Variants in COL14A1 observed in about 807,000 individuals in gnomAD.
COL14A1 encodes the protein collagen type XIV alpha 1 chain.
Under a neutral mutation model 230.3 loss-of-function variants are expected in COL14A1, and 136 were observed. The ratio of observed to expected loss-of-function variants is 0.59; its 90% confidence interval spans 0.51 to 0.68. The LOEUF (loss-of-function observed/expected upper bound fraction) is 0.68. Among genes scored for constraint, COL14A1 ranks in the 30% least tolerant of loss-of-function variants. The pLI, the probability that COL14A1 is intolerant of heterozygous loss-of-function variation, is 0.00. For missense variants in COL14A1, 1,976 were observed against 2,215.8 expected (o/e 0.89, Z 2.17); for synonymous variants, 792 against 784.1 (o/e 1.01, Z -0.17).
At chr8:120,170,006 T>G (rs1816045547) in intron 5 of COL14A1, among the ~76,000 whole-genome samples, 1 of 152,068 alleles carries the variant, frequency 6.6e-6, no homozygotes. Flanking sequence ...ATCATTTTAC[T>G]TCATATATAT....
At position 120,137,745 on chromosome 8, in the gene COL14A1, T is replaced by TA. The variant is rs1367174231; in HGVS notation, c.-37-10060dup. Among the ~76,000 whole-genome samples the TA allele has an allele frequency of 4.0e-5, 6 of 149,930 alleles. No homozygotes were observed. In the East Asian group the frequency reaches 1.2e-3, roughly 29 times the overall value. On this transcript the variant is annotated intron_variant, in intron 1 of 47. Transcript: ENST00000297848. The stretch of plus-strand genomic sequence containing the variant: ...AGAAGCATATTGTTTAATTTTCAAA[T>TA]ATTTTGAATTTATAAAGATATTTTA...
intron 1 of COL14A1, among the ~76,000 whole-genome samples, chr8:120,136,761 C>G (rs764789058): frequency 2.0e-5 from 3 of 151,242 alleles, no homozygotes; most frequent in Admixed American, 6.6e-5. Flanking sequence ...GCCAGGTGTT[C>G]GAGACCAGCC....
At chr8:120,244,119 A>G in intron 20 of COL14A1, 111 bp downstream of exon 20, 2 of 1,283,832 alleles carry the variant, frequency 1.6e-6, no homozygotes, top group Non-Finnish European at 2.1e-6. Context: ...AAACTAAAAG[A>G]TTTGGGAACA....
At chr8:120,164,263 TCA>T (rs1363449769) in intron 4 of COL14A1, among the ~76,000 whole-genome samples, 1 of 152,160 alleles carries the variant, frequency 6.6e-6, no homozygotes, top group African/African-American at 2.4e-5. Flanking sequence ...TTTGAGGAAA[TCA>T]CAGACATCAT....
At chr8:120,327,408 G>C (rs890250475) in intron 40 of COL14A1, among the ~76,000 whole-genome samples, 1 of 152,154 alleles carries the variant, frequency 6.6e-6, no homozygotes, top group Non-Finnish European at 1.5e-5. Flanking sequence ...CAGAAGTTTA[G>C]ATAACTCACT....
At chr8:120,272,767 G>T (rs1448157434) in intron 26 of COL14A1, among the ~76,000 whole-genome samples, 1 of 151,188 alleles carries the variant, frequency 6.6e-6, no homozygotes, top group Non-Finnish European at 1.5e-5. Flanking sequence ...CATTTATATG[G>T]ACTTAACTCT....
chr8:120,276,666 T>C (rs139670981), intron 26 of COL14A1, among the ~76,000 whole-genome samples: 97 of 151,776 alleles, frequency 6.4e-4, no homozygotes, highest in African/African-American at 2.0e-3. Flanking sequence ...GGACATGAAC[T>C]CATCCTTTTT....
chr8:120,158,861 C>G (rs1448847401), intron 3 of COL14A1, among the ~76,000 whole-genome samples: 1 of 151,916 alleles, frequency 6.6e-6, no homozygotes, highest in Non-Finnish European at 1.5e-5. Flanking sequence ...ATTTTTCTTT[C>G]TCATATTTTA....
intron 42 of COL14A1, among the ~76,000 whole-genome samples, chr8:120,338,079 C>G (rs1822145359): frequency 6.6e-6 from 1 of 151,972 alleles, no homozygotes. Context: ...ATTGTAGTCT[C>G]TAGATTTGAG....
intron 44 of COL14A1, 97 bp from the exon 45 acceptor site, chr8:120,345,278 A>G: frequency 1.8e-6 from 2 of 1,123,610 alleles, no homozygotes; most frequent in Non-Finnish European, 2.5e-6. Context: ...GTGGGTATCT[A>G]ACAGAATTGT....
At chr8:120,169,369 A>G (rs1816027386) in intron 5 of COL14A1, among the ~76,000 whole-genome samples, 1 of 152,136 alleles carries the variant, frequency 6.6e-6, no homozygotes, top group African/African-American at 2.4e-5. Flanking sequence ...GAATTATTTC[A>G]TATGTTCTTT....
In COL14A1 at chr8:120,231,456, G is replaced by A. The variant is rs1251315138; in HGVS notation, c.2198-11G>A. Reference sequence around the variant, plus strand: ...TAAAAGTTTTTTAATCCTTGGTTGTGTTTATTCCAGTTTTCCAGACGGGAA... The same window carrying A: ...TAAAAGTTTTTTAATCCTTGGTTGTATTTATTCCAGTTTTCCAGACGGGAA... On this transcript the variant is annotated splice_polypyrimidine_tract_variant and intron_variant, in intron 18 of 47. Coordinates refer to ENST00000297848, the MANE Select transcript of COL14A1 (RefSeq NM_021110.4). The A allele has an allele frequency of 6.2e-7, 1 of 1,612,642 alleles. No homozygotes were observed. Among genetic ancestry groups the A allele is most frequent in the East Asian group, 2.2e-5 (1 of 44,872 alleles).
intron 24 of COL14A1, among the ~76,000 whole-genome samples, chr8:120,265,754 A>G (rs562496010): frequency 5.3e-5 from 8 of 152,086 alleles, no homozygotes; most frequent in East Asian, 3.9e-4. Flanking sequence ...ATATTTTTCC[A>G]TTTAGTAATA....
chr8:120,370,351 A>G, intron 47 of COL14A1: 4 of 1,612,164 alleles, frequency 2.5e-6, no homozygotes, highest in East Asian at 2.2e-5. Context: ...ATCCCCTACA[A>G]TGATTACCAG....
At chr8:120,259,837 G>C (rs1190564525) in intron 23 of COL14A1, among the ~76,000 whole-genome samples, 6 of 152,132 alleles carry the variant, frequency 3.9e-5, no homozygotes, top group Non-Finnish European at 8.8e-5. Flanking sequence ...TTGTATTACA[G>C]GTGGCTCACA....
intron 5 of COL14A1, among the ~76,000 whole-genome samples, chr8:120,177,280 C>T (rs1331729589): frequency 6.6e-6 from 1 of 152,116 alleles, no homozygotes; most frequent in Non-Finnish European, 1.5e-5. Flanking sequence ...AACTATTTGC[C>T]ATAAGTGTCA....
At chr8:120,134,340 G>A (rs375293078) in intron 1 of COL14A1, among the ~76,000 whole-genome samples, 40 of 151,914 alleles carry the variant, frequency 2.6e-4, no homozygotes, top group Admixed American at 6.6e-4. Flanking sequence ...CGATAGATTC[G>A]AAAATAAAAT....
In COL14A1 at chr8:120,203,783, G is replaced by C. The variant is rs766645872; in HGVS notation, c.952G>C (p.Ala318Pro). 4.3e-6 allele frequency: 7 copies of C among 1,613,952 alleles called. No homozygotes were observed. The South Asian group carries it at 6.6e-5, about 15-fold the overall frequency. The change falls in exon 9 of 48, where the codon GCC (alanine) becomes CCC (proline). Residue 318 changes from alanine to proline, a missense_variant. By Grantham distance (27) the Ala-to-Pro change is conservative. Transcript: ENST00000297848. Reference protein sequence around the residue: ...EPDSTHVYNVAEFDLMHTVVE... With the variant: ...EPDSTHVYNVPEFDLMHTVVE... ...AGACAGCACTCATGTGTACAATGTT[G>C]CCGAATTCGATCTGATGCACACAGT...
rs1816507777 is a variant in COL14A1 at position 120,182,821 on chromosome 8, G to A, written c.437-13970G>A. Among the ~76,000 whole-genome samples, 3 of 147,610 alleles carry A rather than the reference G, an allele frequency of 2.0e-5. No individual in the cohort carries two copies. The South Asian group carries it at 6.4e-4, about 32-fold the overall frequency. ...AGCTCACTGCAACCTTCGCCCCTGG[G>A]GCTCAAGTGATTCTCATGCCTCAGT... On this transcript the variant is annotated intron_variant, in intron 5 of 47. Transcript: ENST00000297848.
Sources: allele counts gnomAD v4.1 joint callset (sites outside exome capture counted in the v4.1 genomes callset), GRCh38; gene constraint gnomAD v4.1.1; transcripts MANE v1.5; gene names NCBI Gene and HGNC (gene_info 2026-07-23, HGNC 2026-07-21).